PCDH15: variants seen among roughly 807,000 people sequenced by gnomAD.
PCDH15 encodes protocadherin related 15.
Under a neutral mutation model 178.5 loss-of-function variants are expected in PCDH15, and 129 were observed. That is an observed-to-expected ratio of 0.72 (90% CI 0.63 to 0.84). PCDH15 has a LOEUF of 0.84. Among genes scored for constraint, PCDH15 ranks in the 40% least tolerant of loss-of-function variants. The pLI is 0.00. For synonymous variants in PCDH15, 800 were observed against 732.0 expected (o/e 1.09, Z -1.50); for missense variants, 2,230 against 2,099.9 (o/e 1.06, Z -1.21).
chr10:54,344,233 A>C (rs1435970243), intron 6 of PCDH15, among the ~76,000 whole-genome samples: 2 of 152,192 alleles, frequency 1.3e-5, no homozygotes, highest in African/African-American at 4.8e-5. Context: ...AGAGCATTTT[A>C]GCTTGCTAAA....
chr10:54,505,234 A>T (rs1034368484), intron 3 of PCDH15, among the ~76,000 whole-genome samples: 11 of 152,094 alleles, frequency 7.2e-5, no homozygotes, highest in African/African-American at 2.7e-4. Flanking sequence ...TATCAAAGGA[A>T]CTACACATAT....
intron 6 of PCDH15, 70 bp downstream of exon 6, chr10:54,346,295 C>A: frequency 6.9e-7 from 1 of 1,452,908 alleles, no homozygotes; most frequent in Non-Finnish European, 9.6e-7. Context: ...AATACAATAA[C>A]TATCAGCTGA....
chr10:54,889,547 C>T lies in PCDH15; in HGVS notation c.-29+7903G>A, dbSNP rs1210030950. Among the ~76,000 whole-genome samples, 3 of 140,494 alleles carry T rather than the reference C, an allele frequency of 2.1e-5. No homozygotes were observed. The East Asian group carries it at 6.3e-4, about 30-fold the overall frequency. The allele number at this position is 140,494 out of a possible 152,430, so 92.2% of individuals were successfully genotyped here. ...CTATATATACAAAATTAGGATAGTA[C>T]AGAGGCTCTTTAATTCTCTCTGCAT... is the stretch of plus-strand genomic sequence containing the variant. On this transcript the variant is annotated intron_variant, in intron 3 of 5. Coordinates refer to the PCDH15 transcript ENST00000458638.
At chr10:54,205,919 G>T (rs1330954554) in intron 10 of PCDH15, among the ~76,000 whole-genome samples, 1 of 151,938 alleles carries the variant, frequency 6.6e-6, no homozygotes, top group Non-Finnish European at 1.5e-5. Flanking sequence ...TACAGCAAAA[G>T]AGTATATTCT....
intron 1 of PCDH15, among the ~76,000 whole-genome samples, chr10:54,722,919 C>G (rs1325434162): frequency 6.6e-6 from 1 of 151,610 alleles, no homozygotes; most frequent in Non-Finnish European, 1.5e-5. Context: ...GGAAAACCAT[C>G]CTATGCTCAT....
chr10:54,261,201 G>C (rs1313284211), intron 8 of PCDH15, among the ~76,000 whole-genome samples: 1 of 151,994 alleles, frequency 6.6e-6, no homozygotes, highest in East Asian at 1.9e-4. Context: ...AAATCAGTGA[G>C]ACCTTATTTA....
chr10:55,463,876 AGAGAGAAAGAGAGG>A (rs1839734532), intron 2 of PCDH15, among the ~76,000 whole-genome samples: 1 of 101,430 alleles, frequency 9.9e-6, no homozygotes, highest in Non-Finnish European at 2.0e-5. Context: ...AAAGAAAGAG[AGAGAGAAAGAGAGG>A]GAGAGAGAGA....
At chr10:54,171,140 C>T (rs2046864297) in intron 13 of PCDH15, among the ~76,000 whole-genome samples, 1 of 152,176 alleles carries the variant, frequency 6.6e-6, no homozygotes, top group East Asian at 1.9e-4. Flanking sequence ...TTAGCCTTCC[C>T]ACCTCAATAC....
Position 55,461,979 on chromosome 10 carries a change from C to T in PCDH15, c.-156+165646G>A, listed in dbSNP as rs138666008. 2.2e-3 allele frequency among the ~76,000 whole-genome samples: 333 copies of T among 152,086 alleles called. 1 individual carries two copies. The highest frequency in any genetic ancestry group is 7.6e-3 in the African/African-American group (316 of 41,508). ...CCAACTTTAGAGAATTCGGTCACAC[C>T]CATTAATGGTCAAGACCACCTTCAT... On this transcript the variant is annotated intron_variant, in intron 2 of 5. Coordinates refer to the PCDH15 transcript ENST00000613346.
At chr10:53,862,532 T>C (rs2079170419) in intron 27 of PCDH15, among the ~76,000 whole-genome samples, 1 of 152,196 alleles carries the variant, frequency 6.6e-6, no homozygotes, top group African/African-American at 2.4e-5. Flanking sequence ...AAAGTCTAAA[T>C]ATTCGGAAGC....
chr10:54,780,574 C>T (rs995209373), intron 1 of PCDH15, among the ~76,000 whole-genome samples: 4 of 151,588 alleles, frequency 2.6e-5, no homozygotes, highest in Non-Finnish European at 5.9e-5. Context: ...TGAGCTGTTC[C>T]TCATAATATT....
chr10:53,806,654 G>C lies in PCDH15; in HGVS notation c.5148C>G (p.Asp1716Glu), dbSNP rs1841183162. The C allele has an allele frequency of 2.5e-6, 4 of 1,613,662 alleles. No homozygotes were observed. Among genetic ancestry groups the C allele is most frequent in the Non-Finnish European group, 3.4e-6 (4 of 1,179,784 alleles). The change falls in exon 38 of 38, where the codon GAC (aspartate) becomes GAG (glutamate). Residue 1716 changes from aspartate (D) to glutamate (E), a missense_variant. Transcript: ENST00000644397. ...NIKEALEFHSDHTQSDDEELW... is the reference protein window; with the variant it reads ...NIKEALEFHSEHTQSDDEELW... ...GCTCTTCATCATCAGACTGTGTGTG[G>C]TCACTATGAAATTCCAAAGCCTCCT...
chr10:55,417,242 T>C (rs7068763), intron 2 of PCDH15, among the ~76,000 whole-genome samples: 74,601 of 151,068 alleles, frequency 0.49, 19,532 homozygotes, highest in African/African-American at 0.61. Flanking sequence ...GATTGAGATC[T>C]TGTGGCCCCC....
At chr10:53,939,040 A>C in intron 24 of PCDH15, 85 bp from the exon 25 acceptor site, 1 of 1,391,862 alleles carries the variant, frequency 7.2e-7, no homozygotes, top group Non-Finnish European at 1.0e-6. Flanking sequence ...TGATTTCAAA[A>C]ACACTAAAAA....
chr10:53,851,505 C>A, intron 28 of PCDH15, among the ~76,000 whole-genome samples: 1 of 150,936 alleles, frequency 6.6e-6, no homozygotes, highest in Non-Finnish European at 1.5e-5. Flanking sequence ...GACTTCCTAG[C>A]TAGTCTTTGG....
intron 2 of PCDH15, among the ~76,000 whole-genome samples, chr10:55,527,574 A>G (rs1841328473): frequency 6.6e-6 from 1 of 152,036 alleles, no homozygotes; most frequent in African/African-American, 2.4e-5. Flanking sequence ...TCAATATATA[A>G]TATTGTAAGG....
At chr10:54,317,159 T>G in intron 8 of PCDH15, 112 bp downstream of exon 8, 1 of 1,106,890 alleles carries the variant, frequency 9.0e-7, no homozygotes, top group Non-Finnish European at 1.3e-6. Context: ...TTTTTCAATG[T>G]GCATATACTG....
At chr10:55,040,403 T>C (rs1467375941) in intron 2 of PCDH15, among the ~76,000 whole-genome samples, 1 of 151,960 alleles carries the variant, frequency 6.6e-6, no homozygotes, top group Non-Finnish European at 1.5e-5. Flanking sequence ...TGTTTTACAT[T>C]TACATGTCTA....
At chr10:55,175,660 T>C (rs1839461764) in intron 1 of PCDH15, among the ~76,000 whole-genome samples, 1 of 50,286 alleles carries the variant, frequency 2.0e-5, no homozygotes, top group Non-Finnish European at 4.4e-5. Flanking sequence ...AGAGACTCTG[T>C]CTCAAAAAAA....
Sources: allele counts gnomAD v4.1 joint callset (sites outside exome capture counted in the v4.1 genomes callset), GRCh38; gene constraint gnomAD v4.1.1; transcripts MANE v1.5; gene names NCBI Gene and HGNC (gene_info 2026-07-23, HGNC 2026-07-21).